Variants in PIEZO2 observed in about 807,000 individuals in gnomAD.
The protein encoded by PIEZO2 is piezo type mechanosensitive ion channel component 2, also known as piezo-type mechanosensitive ion channel component 2.
A neutral mutation model predicts 337.3 loss-of-function variants in PIEZO2; 172 were observed. The observed-to-expected ratio is 0.51, with a 90% CI of 0.45 to 0.58. PIEZO2 has a LOEUF of 0.58. PIEZO2 is among the 20% of genes least tolerant of loss of function. The pLI is 0.00. For missense variants in PIEZO2, 3,028 were observed against 3,391.3 expected (o/e 0.89, Z 2.66); for synonymous variants, 1,251 against 1,228.5 (o/e 1.02, Z -0.38).
intron 2 of PIEZO2, among the ~76,000 whole-genome samples, chr18:11,018,382 CGTGTGTGTGTGT>C (rs376013388): frequency 0.01 from 1,160 of 114,192 alleles, 19 homozygotes; most frequent in African/African-American, 0.029. Flanking sequence ...CCCAACATGT[CGTGTGTGTGTGT>C]GTGTGTGTGT....
chr18:10,831,846 A>C (rs2040851663), intron 7 of PIEZO2, among the ~76,000 whole-genome samples: 1 of 152,198 alleles, frequency 6.6e-6, no homozygotes, highest in African/African-American at 2.4e-5. Context: ...TCCCATCTCT[A>C]GGTATTCTGT....
intron 18 of PIEZO2, among the ~76,000 whole-genome samples, chr18:10,776,726 T>C (rs2141264): frequency 0.85 from 129,627 of 152,162 alleles, 55,284 homozygotes; most frequent in East Asian, 0.93. Flanking sequence ...ATGCAAGCTT[T>C]CGAGGCAGAC....
chr18:10,818,133 T>G (rs2040418424), intron 7 of PIEZO2, among the ~76,000 whole-genome samples: 1 of 152,102 alleles, frequency 6.6e-6, no homozygotes. Context: ...GAGATAGAAA[T>G]CACAATTTAT....
chr18:11,141,998 A>G (rs1017447808), intron 1 of PIEZO2, among the ~76,000 whole-genome samples: 4 of 152,210 alleles, frequency 2.6e-5, no homozygotes, highest in Non-Finnish European at 2.9e-5. Flanking sequence ...TTCATATACA[A>G]AAGGAGTTTA....
At chr18:10,768,980 A>G (rs2038480389) in intron 21 of PIEZO2, among the ~76,000 whole-genome samples, 1 of 152,144 alleles carries the variant, frequency 6.6e-6, no homozygotes, top group African/African-American at 2.4e-5. Context: ...ACACACCTTC[A>G]CACCCTGCCA....
In PIEZO2 at chr18:11,038,626, G is replaced by A. The variant is rs2145795887; in HGVS notation, c.160+27501C>T. Among the ~76,000 whole-genome samples the A allele has an allele frequency of 2.0e-5, 3 of 152,314 alleles. No homozygotes were observed. The South Asian group carries it at 6.2e-4, about 32-fold the overall frequency. ...TGAGGAGCAGCATGTAGTCAGGAAA[G>A]AGCATTCCATCAGAGCCCAGAAACG... On this transcript the variant is annotated intron_variant, in intron 2 of 55. Transcript: ENST00000674853. This position sits in a 1 kb window ranked among gnomAD's most constrained non-coding sequence, Gnocchi z 4.1.
chr18:10,718,824 C>A (rs1477511538), intron 36 of PIEZO2, among the ~76,000 whole-genome samples: 1 of 151,746 alleles, frequency 6.6e-6, no homozygotes, highest in Admixed American at 6.6e-5. Context: ...CCAGCCTGGG[C>A]AACATATAGA....
intron 36 of PIEZO2, 72 bp downstream of exon 36, chr18:10,731,334 CT>C (rs2036776491): frequency 9.9e-7 from 1 of 1,009,544 alleles, no homozygotes; most frequent in Admixed American, 2.9e-5. Context: ...AGTTTCTGTC[CT>C]TTGCAGACAA....
chr18:10,703,874 A>AAATTT (rs1331899382), intron 42 of PIEZO2, among the ~76,000 whole-genome samples: 6 of 152,064 alleles, frequency 3.9e-5, no homozygotes, highest in Non-Finnish European at 8.8e-5. Flanking sequence ...CGACGTATGG[A>AAATTT]ACTTTACGTT....
intron 49 of PIEZO2, among the ~76,000 whole-genome samples, chr18:10,686,369 T>C (rs2034545321): frequency 6.6e-6 from 1 of 152,194 alleles, no homozygotes; most frequent in African/African-American, 2.4e-5. Flanking sequence ...TAGATGAGGA[T>C]AGAAGAGTAG....
intron 27 of PIEZO2, among the ~76,000 whole-genome samples, chr18:10,755,618 G>A (rs576726788): frequency 2.6e-5 from 4 of 152,306 alleles, no homozygotes; most frequent in South Asian, 2.1e-4. Flanking sequence ...GGTCGAGCAC[G>A]GTTTAAGCAC....
At chr18:10,905,649 G>A (rs1048975409) in intron 4 of PIEZO2, among the ~76,000 whole-genome samples, 4 of 151,166 alleles carry the variant, frequency 2.6e-5, no homozygotes, top group South Asian at 2.1e-4. Flanking sequence ...GGAGTGAGCC[G>A]CCTCCTGAGC....
chr18:10,848,949 T>C (rs773988961), intron 7 of PIEZO2, among the ~76,000 whole-genome samples: 10 of 152,182 alleles, frequency 6.6e-5, no homozygotes, highest in Admixed American at 5.9e-4. Flanking sequence ...CACCACAAGA[T>C]AAGCAAACCA....
At chr18:11,121,929 A>G (rs1417217896) in intron 1 of PIEZO2, among the ~76,000 whole-genome samples, 1 of 151,996 alleles carries the variant, frequency 6.6e-6, no homozygotes, top group African/African-American at 2.4e-5. Context: ...AAAATCATGT[A>G]CCAAAATGAG....
At chr18:11,029,038 T>C (rs2036637643) in intron 2 of PIEZO2, among the ~76,000 whole-genome samples, 2 of 152,356 alleles carry the variant, frequency 1.3e-5, no homozygotes, top group South Asian at 4.1e-4. Flanking sequence ...TGTAAACATT[T>C]TGTTAACTCG....
At chr18:10,684,122 TTC>T (rs1269102649) in intron 49 of PIEZO2, among the ~76,000 whole-genome samples, 4 of 134,170 alleles carry the variant, frequency 3.0e-5, no homozygotes, top group Middle Eastern at 7.0e-3. Context: ...CTTTCTTTCT[TTC>T]TCTCTCTCTC....
intron 36 of PIEZO2, among the ~76,000 whole-genome samples, chr18:10,722,149 C>A (rs377353296): frequency 2.1e-3 from 262 of 125,244 alleles, no homozygotes; most frequent in Admixed American, 2.7e-3. Flanking sequence ...GACTCCATCT[C>A]AAAAAAAAAA....
chr18:10,922,064 G>A (rs931929261), intron 3 of PIEZO2, among the ~76,000 whole-genome samples: 25 of 152,114 alleles, frequency 1.6e-4, no homozygotes, highest in Admixed American at 1.2e-3. Context: ...CTGTGATCTC[G>A]CCCTGCCTCC....
intron 18 of PIEZO2, among the ~76,000 whole-genome samples, chr18:10,774,762 A>G (rs2038728652): frequency 6.6e-6 from 1 of 152,236 alleles, no homozygotes. Flanking sequence ...ACATTAAGAA[A>G]AAGCCTAGTA....
Sources: gnomAD v4.1 joint callset for allele counts (sites outside exome capture counted in the v4.1 genomes callset) on GRCh38, gnomAD v4.1.1 for gene constraint, Gnocchi (gnomAD v3.1) non-coding constraint, MANE v1.5 for transcripts, NCBI Gene and HGNC (gene_info 2026-07-23, HGNC 2026-07-21) for gene names.